MAF: variants seen among roughly 807,000 people sequenced by gnomAD.
The protein encoded by MAF is MAF bZIP transcription factor.
In MAF, 10 loss-of-function variants were observed where a neutral mutation model predicts 22.0. The observed-to-expected ratio is 0.45, with a 90% CI of 0.28 to 0.77. The LOEUF is 0.77. MAF is among the 30% of genes least tolerant of loss of function. The pLI is 0.12. For synonymous variants in MAF, 337 were observed against 255.8 expected, an observed-to-expected ratio of 1.32 and a Z score of -3.03; for missense variants, 544 against 548.4, an observed-to-expected ratio of 0.99 and a Z score of 0.08.
chr16:79,508,103 G>A, the MAF span, among the ~76,000 whole-genome samples: 2 of 152,138 alleles, frequency 1.3e-5, no homozygotes, highest in Non-Finnish European at 2.9e-5. Flanking sequence ...GAAGGAAGAA[G>A]GCGCAGCATG....
At chr16:79,574,202 C>A in the MAF span, among the ~76,000 whole-genome samples, 1 of 152,178 alleles carries the variant, frequency 6.6e-6, no homozygotes, top group African/African-American at 2.4e-5. Flanking sequence ...TAATACTATG[C>A]TTTAGAGGAG....
chr16:79,569,268 C>A, the MAF span, among the ~76,000 whole-genome samples: 2 of 152,226 alleles, frequency 1.3e-5, no homozygotes, highest in African/African-American at 2.4e-5. Context: ...TCACTGGAGG[C>A]CAGTGGCCCC....
At chr16:79,212,093 C>G in the MAF span, 1 of 1,536,140 alleles carries the variant, frequency 6.5e-7, no homozygotes, top group Non-Finnish European at 8.7e-7. Context: ...CCTGGAGAAG[C>G]ACCAGCAATT....
chr16:79,551,008 C>T, the MAF span, among the ~76,000 whole-genome samples: 1 of 152,130 alleles, frequency 6.6e-6, no homozygotes, highest in South Asian at 2.1e-4. Flanking sequence ...AGCAGAGATC[C>T]CCCGCATGGG....
the MAF span, among the ~76,000 whole-genome samples, chr16:79,564,846 A>G: frequency 8.5e-5 from 13 of 152,172 alleles, no homozygotes; most frequent in African/African-American, 3.1e-4. Context: ...ATTGCAGCCT[A>G]TTAACTATGT....
the MAF span, among the ~76,000 whole-genome samples, chr16:79,552,970 C>T: frequency 1.3e-5 from 2 of 152,136 alleles, no homozygotes; most frequent in Non-Finnish European, 2.9e-5. Flanking sequence ...CTCACACTTC[C>T]CTGAGGTAAA....
the MAF span, among the ~76,000 whole-genome samples, chr16:79,287,876 A>T: frequency 6.6e-6 from 1 of 152,182 alleles, no homozygotes; most frequent in Admixed American, 6.5e-5. Context: ...GGCAGTCACC[A>T]AACAGACAAG....
the MAF span, among the ~76,000 whole-genome samples, chr16:79,458,253 T>A: frequency 6.6e-6 from 1 of 151,964 alleles, no homozygotes; most frequent in Non-Finnish European, 1.5e-5. Flanking sequence ...TTAGAGAGCC[T>A]GGGACACCTG....
chr16:79,581,592 T>A (rs1422381336), downstream of MAF, among the ~76,000 whole-genome samples: 2 of 152,182 alleles, frequency 1.3e-5, no homozygotes, highest in African/African-American at 4.8e-5. Context: ...TCACCTCTAC[T>A]GCCTACCTGC....
At chr16:79,392,791 C>T in the MAF span, among the ~76,000 whole-genome samples, 11 of 152,156 alleles carry the variant, frequency 7.2e-5, no homozygotes, top group Non-Finnish European at 1.3e-4. Flanking sequence ...GCTTCCCTAC[C>T]TTTGGCATGT....
the MAF span, among the ~76,000 whole-genome samples, chr16:79,251,936 CA>C: frequency 6.6e-6 from 1 of 152,328 alleles, no homozygotes; most frequent in East Asian, 1.9e-4. Flanking sequence ...ACCCTTTCTT[CA>C]AATGAAATAT....
the MAF span, among the ~76,000 whole-genome samples, chr16:79,488,797 T>G: frequency 6.6e-6 from 1 of 152,056 alleles, no homozygotes; most frequent in African/African-American, 2.4e-5. Context: ...TCATCAACCT[T>G]CCGGGAGCAT....
chr16:79,412,074 T>A, the MAF span, among the ~76,000 whole-genome samples: 1 of 152,156 alleles, frequency 6.6e-6, no homozygotes, highest in South Asian at 2.1e-4. Flanking sequence ...AGAGAGTGAG[T>A]GTTTTCTAAA....
the MAF span, among the ~76,000 whole-genome samples, chr16:79,336,751 A>G: frequency 6.6e-6 from 1 of 152,098 alleles, no homozygotes; most frequent in Non-Finnish European, 1.5e-5. Context: ...TGAGTCATGC[A>G]TTTTGCATTT....
chr16:79,395,519 C>T, the MAF span, among the ~76,000 whole-genome samples: 1 of 152,038 alleles, frequency 6.6e-6, no homozygotes, highest in African/African-American at 2.4e-5. Context: ...GATAAGGAGA[C>T]TGTGGAAGAC....
chr16:79,276,877 C>T, the MAF span, among the ~76,000 whole-genome samples: 3 of 152,128 alleles, frequency 2.0e-5, no homozygotes, highest in Non-Finnish European at 4.4e-5. Flanking sequence ...CCTTTCAAGG[C>T]TCCAGGGGAG....
chr16:79,496,612 G>A, the MAF span, among the ~76,000 whole-genome samples: 140 of 152,198 alleles, frequency 9.2e-4, no homozygotes, highest in African/African-American at 3.1e-3. Flanking sequence ...TATATAAATC[G>A]AGAATTCCAT....
chr16:79,523,018 G>A, the MAF span, among the ~76,000 whole-genome samples: 2 of 152,132 alleles, frequency 1.3e-5, no homozygotes, highest in Admixed American at 1.3e-4. Flanking sequence ...CAATTTTGAG[G>A]ATTTACTTCA....
At chr16:79,586,537 A>G (rs994571127) in intron 1 of MAF, among the ~76,000 whole-genome samples, 1 of 152,236 alleles carries the variant, frequency 6.6e-6, no homozygotes, top group African/African-American at 2.4e-5. Context: ...TGTTTAAATT[A>G]GTAGCAGGGA....
Sources: allele counts gnomAD v4.1 joint callset (sites outside exome capture counted in the v4.1 genomes callset), GRCh38; gene constraint gnomAD v4.1.1; transcripts MANE v1.5; gene names NCBI Gene and HGNC (gene_info 2026-07-23, HGNC 2026-07-21).